Variants in HECW1 observed in about 807,000 individuals in gnomAD.
The protein encoded by HECW1 is E3 ubiquitin-protein ligase HECW1.
A neutral mutation model predicts 182.3 loss-of-function variants in HECW1; 61 were observed. That is an observed-to-expected ratio of 0.33 (90% CI 0.27 to 0.41). The LOEUF is 0.41. Among genes scored for constraint, HECW1 ranks in the 10% least tolerant of loss-of-function variants. The pLI, the probability that HECW1 is intolerant of heterozygous loss-of-function variation, is 1.00. For missense variants in HECW1, 1,739 were observed against 2,108.9 expected, an observed-to-expected ratio of 0.82 and a Z score of 3.44; for synonymous variants, 859 against 832.6, an observed-to-expected ratio of 1.03 and a Z score of -0.55.
At position 43,444,382 on chromosome 7, in the gene HECW1, G is replaced by T. The variant is rs61756574; in HGVS notation, c.1210G>T (p.Gly404Cys). Residue 404 changes from glycine to cysteine, a missense_variant, in exon 11 of 30, where the codon GGT (glycine) becomes TGT (cysteine). Physicochemically the swap from Gly to Cys is radical, Grantham distance 159. Around this residue, in one of 5 missense-constraint regions of HECW1, gnomAD observed 971 missense variants for 1,029.1 expected, o/e 0.94. Coordinates refer to ENST00000395891, the MANE Select transcript of HECW1 (RefSeq NM_015052.5). The surrounding 1 kb of genome is among the most constrained non-coding windows in gnomAD (Gnocchi z 4.3). ...EQLGEGSVPD[G>C]PGNQSIELSR... ...GCTGGGTGAGGGCAGTGTCCCCGAT[G>T]GTCCAGGGAACCAAAGCATAGAGCT... The T allele has an allele frequency of 6.2e-6, 10 of 1,613,848 alleles. No individual in the cohort carries two copies. The highest frequency in any genetic ancestry group is 6.8e-6 in the Non-Finnish European group (8 of 1,179,984).
intron 8 of HECW1, among the ~76,000 whole-genome samples, chr7:43,411,585 A>T (rs2075805371): frequency 6.6e-6 from 1 of 152,124 alleles, no homozygotes; most frequent in African/African-American, 2.4e-5. Flanking sequence ...AGCATGTTTA[A>T]ATCCTTTACT....
chr7:43,350,990 G>A (rs969663867), intron 5 of HECW1, among the ~76,000 whole-genome samples: 1 of 152,164 alleles, frequency 6.6e-6, no homozygotes, highest in African/African-American at 2.4e-5. Context: ...CTTTTCATTT[G>A]GGTAGGCTCT....
intron 21 of HECW1, among the ~76,000 whole-genome samples, chr7:43,503,934 A>G (rs530329845): frequency 6.6e-6 from 1 of 152,216 alleles, no homozygotes; most frequent in Non-Finnish European, 1.5e-5. Context: ...AAAACCTGGT[A>G]TTCCACCAAG....
intron 3 of HECW1, among the ~76,000 whole-genome samples, chr7:43,299,843 A>AT (rs1396780257): frequency 6.6e-6 from 1 of 152,112 alleles, no homozygotes; most frequent in Non-Finnish European, 1.5e-5. Context: ...ATCAAATCCC[A>AT]TTTTTTTGTT....
intron 16 of HECW1, among the ~76,000 whole-genome samples, chr7:43,478,215 G>A (rs375549289): frequency 1.1e-4 from 17 of 152,230 alleles, no homozygotes; most frequent in Admixed American, 5.2e-4. Context: ...TCAGGAGCTC[G>A]AGATCAGCCT....
At chr7:43,285,362 A>C (rs967330301) in intron 3 of HECW1, among the ~76,000 whole-genome samples, 8 of 152,176 alleles carry the variant, frequency 5.3e-5, no homozygotes, top group African/African-American at 1.9e-4. Flanking sequence ...TCTTCAAGCT[A>C]TTTCAACATG....
rs564299957 is a variant in HECW1 at position 43,374,590 on chromosome 7, C to T, written c.555+13610C>T. On this transcript the variant is annotated intron_variant, in intron 6 of 29. Transcript: ENST00000395891. ...GAGATCGAGACCATCCCGGCTAAAA[C>T]GGTGAAACCCCGTCTCTACTAAAAA... Among the ~76,000 whole-genome samples the T allele has an allele frequency of 8.7e-4, 46 of 52,932 alleles. 13 individuals carry two copies. The highest frequency in any genetic ancestry group is 6.6e-3 in the Admixed American group (42 of 6,400). The allele number at this position is 52,932 out of a possible 152,430, so 34.7% of individuals were successfully genotyped here. A position where few individuals can be genotyped will look rare whatever the true frequency, so the allele number is the denominator to read the frequency against.
At chr7:43,450,649 A>T (rs899139982) in intron 11 of HECW1, among the ~76,000 whole-genome samples, 179 bp from the exon 12 acceptor site, 2 of 152,090 alleles carry the variant, frequency 1.3e-5, no homozygotes, top group African/African-American at 4.8e-5. Context: ...CTTCTTTTTT[A>T]AAAAAATATT....
intron 5 of HECW1, among the ~76,000 whole-genome samples, chr7:43,323,845 G>C (rs904956820): frequency 6.0e-5 from 9 of 149,130 alleles, no homozygotes; most frequent in Admixed American, 5.3e-4. Flanking sequence ...TTTCACCCTG[G>C]CCCATATGGT....
chr7:43,206,966 A>G lies in HECW1; in HGVS notation c.-31-36909A>G, dbSNP rs145750622. Reference sequence around the variant, plus strand: ...GTTGTATTTTCACTTGGCATTTTGAATATATTATTGCATTATCTTCCGAAG... The same window carrying G: ...GTTGTATTTTCACTTGGCATTTTGAGTATATTATTGCATTATCTTCCGAAG... On this transcript the variant is annotated intron_variant, in intron 2 of 29. Transcript: ENST00000395891. Among the ~76,000 whole-genome samples the G allele has an allele frequency of 1.5e-3, 232 of 152,328 alleles. 2 individuals are homozygous for G. The highest frequency in any genetic ancestry group is 5.4e-3 in the African/African-American group (225 of 41,572).
At chr7:43,182,706 T>C (rs150987704) in intron 2 of HECW1, among the ~76,000 whole-genome samples, 133 of 152,308 alleles carry the variant, frequency 8.7e-4, no homozygotes, top group African/African-American at 3.1e-3. Flanking sequence ...TTGGTATTCA[T>C]TGGTATTTTG....
chr7:43,264,760 C>T (rs555988672), intron 3 of HECW1, among the ~76,000 whole-genome samples: 4 of 149,978 alleles, frequency 2.7e-5, no homozygotes, highest in African/African-American at 4.9e-5. Context: ...AGGAGAATGG[C>T]GTGAACCCAG....
At chr7:43,268,744 T>A (rs1287545674) in intron 3 of HECW1, among the ~76,000 whole-genome samples, 1 of 151,046 alleles carries the variant, frequency 6.6e-6, no homozygotes, top group Non-Finnish European at 1.5e-5. Flanking sequence ...CATCTTCTCC[T>A]GACCTGTGTT....
intron 2 of HECW1, among the ~76,000 whole-genome samples, chr7:43,205,448 A>G (rs1795379634): frequency 6.6e-6 from 1 of 152,162 alleles, no homozygotes; most frequent in African/African-American, 2.4e-5. Context: ...GATGGGAACT[A>G]TGCTAGTGTT....
At chr7:43,466,644 A>G (rs2077792220) in intron 15 of HECW1, 76 bp downstream of exon 15, 1 of 1,461,526 alleles carries the variant, frequency 6.8e-7, no homozygotes, top group South Asian at 1.3e-5. Context: ...GTCATCTGAT[A>G]GATCTAAAAG....
chr7:43,503,170 G>A (rs905756122), intron 21 of HECW1, among the ~76,000 whole-genome samples: 2 of 152,188 alleles, frequency 1.3e-5, no homozygotes, highest in Non-Finnish European at 2.9e-5. Context: ...TGCAATGCTT[G>A]CTACCTCTGA....
intron 8 of HECW1, among the ~76,000 whole-genome samples, chr7:43,437,219 G>T (rs141564669): frequency 5.5e-4 from 84 of 152,044 alleles, no homozygotes; most frequent in Non-Finnish European, 1.0e-3. Flanking sequence ...CTAGTTTCTC[G>T]GGTGTCTTTT....
intron 12 of HECW1, among the ~76,000 whole-genome samples, chr7:43,452,874 G>T (rs746724963): frequency 2.0e-4 from 30 of 152,316 alleles, no homozygotes; most frequent in Non-Finnish European, 4.1e-4. Context: ...GAAGAGCTTT[G>T]CAGGCACAGG....
In HECW1 at chr7:43,436,349, T is replaced by C. The variant is rs2076712430; in HGVS notation, c.802-1654T>C. Among the ~76,000 whole-genome samples, 3 of 152,116 alleles carry C rather than the reference T, an allele frequency of 2.0e-5. No individual in the cohort carries two copies. The South Asian group carries it at 6.2e-4, about 32-fold the overall frequency. On this transcript the variant is annotated intron_variant, in intron 8 of 29. Transcript: ENST00000395891. ...CCAACATTTACCTTCCCGAGTCTCC[T>C]TTTTACACTTTTAATTTTCACGTGT...
Sources: gnomAD v4.1 joint callset for allele counts (sites outside exome capture counted in the v4.1 genomes callset) on GRCh38, gnomAD v4.1.1 for gene constraint, gnomAD v4.1.1 regional missense constraint, Gnocchi (gnomAD v3.1) non-coding constraint, MANE v1.5 for transcripts, NCBI Gene and HGNC (gene_info 2026-07-23, HGNC 2026-07-21) for gene names.